DNAJC1: variants seen among roughly 807,000 people sequenced by gnomAD.
The protein encoded by DNAJC1 is dnaJ homolog subfamily C member 1.
DNAJC1 carries 58 observed loss-of-function variants against 76.6 expected under a neutral mutation model. The observed-to-expected ratio is 0.76, with a 90% CI of 0.61 to 0.94. The LOEUF (loss-of-function observed/expected upper bound fraction) is 0.94. Among genes scored for constraint, DNAJC1 ranks in the 40% least tolerant of loss-of-function variants. The probability of loss-of-function intolerance (pLI) is 0.00; values close to 1 mark genes in which losing one functional copy is unlikely to be tolerated. For synonymous variants in DNAJC1, 258 were observed against 267.9 expected, an observed-to-expected ratio of 0.96 and a Z score of 0.36; for missense variants, 689 against 677.3, an observed-to-expected ratio of 1.02 and a Z score of -0.19.
chr10:21,996,080 T>C (rs1173408095), intron 1 of DNAJC1, among the ~76,000 whole-genome samples: 1 of 152,212 alleles, frequency 6.6e-6, no homozygotes, highest in Non-Finnish European at 1.5e-5. Context: ...AAAATATGAC[T>C]GTGACTTCAT....
chr10:21,854,144 A>G (rs1815342583), intron 8 of DNAJC1, among the ~76,000 whole-genome samples: 1 of 152,172 alleles, frequency 6.6e-6, no homozygotes, highest in African/African-American at 2.4e-5. Flanking sequence ...CAGGTTGTTT[A>G]TAGTAGAAGA....
At chr10:21,952,283 T>A (rs2807988) in intron 1 of DNAJC1, among the ~76,000 whole-genome samples, 98,717 of 152,032 alleles carry the variant, frequency 0.65, 32,519 homozygotes, top group East Asian at 0.95. Flanking sequence ...ACAATTATTA[T>A]CTCATGTCAA....
intron 8 of DNAJC1, among the ~76,000 whole-genome samples, chr10:21,848,909 A>G (rs1835703767): frequency 6.6e-6 from 1 of 152,224 alleles, no homozygotes; most frequent in South Asian, 2.1e-4. Context: ...GGGAAATTTG[A>G]AAACACTCAG....
Position 21,850,499 on chromosome 10 carries a change from T to C in DNAJC1, c.978+31783A>G, listed in dbSNP as rs374952427. On this transcript the variant is annotated intron_variant, in intron 8 of 11. Coordinates refer to ENST00000376980, the MANE Select transcript of DNAJC1 (RefSeq NM_022365.4). ...TAAATGGAACGACATCCCATGTTCA[T>C]GTATTGGAATACTTAATATTTAAAT... Among the ~76,000 whole-genome samples, 26 of 151,840 alleles carry C rather than the reference T, an allele frequency of 1.7e-4. 1 individual carries two copies. In the East Asian group the frequency reaches 3.5e-3, roughly 20 times the overall value.
chr10:21,975,429 TG>T (rs999780328), intron 1 of DNAJC1, among the ~76,000 whole-genome samples: 2 of 151,868 alleles, frequency 1.3e-5, no homozygotes, highest in African/African-American at 4.8e-5. Context: ...AAACATGAAG[TG>T]GGCTGAAAAG....
chr10:21,826,526 ATCTT>A lies in DNAJC1; in HGVS notation c.979-20431_979-20428del, dbSNP rs1835258963. 4.6e-5 allele frequency among the ~76,000 whole-genome samples: 7 copies of A among 152,158 alleles called. No individual in the cohort carries two copies. The South Asian group carries it at 1.5e-3, about 32-fold the overall frequency. ...AATTTTGATGAAATCTAAGTTATCT[ATCTT>A]TCTTTTGTTGCCCAAGCTTTTGCTG... On this transcript the variant is annotated intron_variant, in intron 8 of 11. Transcript: ENST00000376980.
intron 8 of DNAJC1, among the ~76,000 whole-genome samples, chr10:21,875,397 C>A (rs1836170262): frequency 6.6e-6 from 1 of 152,180 alleles, no homozygotes; most frequent in Non-Finnish European, 1.5e-5. Context: ...CTCAAACAAT[C>A]CTCCCACCTC....
At chr10:21,814,224 A>C (rs1052300082) in intron 8 of DNAJC1, among the ~76,000 whole-genome samples, 1 of 152,172 alleles carries the variant, frequency 6.6e-6, no homozygotes, top group Non-Finnish European at 1.5e-5. Flanking sequence ...GAATTGTGGA[A>C]GTGGCTGCAT....
chr10:21,795,041 C>G, intron 9 of DNAJC1, among the ~76,000 whole-genome samples: 1 of 151,968 alleles, frequency 6.6e-6, no homozygotes, highest in East Asian at 1.9e-4. Flanking sequence ...GAATTTTGAG[C>G]ATTTCAAATT....
chr10:21,872,322 G>A (rs969884196), intron 8 of DNAJC1, among the ~76,000 whole-genome samples: 3 of 151,782 alleles, frequency 2.0e-5, no homozygotes, highest in South Asian at 2.1e-4. Context: ...TGCCTGCCTC[G>A]GCCTCCCAAA....
intron 8 of DNAJC1, among the ~76,000 whole-genome samples, chr10:21,850,846 T>C (rs961575428): frequency 3.3e-5 from 5 of 152,092 alleles, no homozygotes; most frequent in Non-Finnish European, 7.4e-5. Context: ...GAGAAAAGAA[T>C]AGAGAGGCCA....
intron 9 of DNAJC1, among the ~76,000 whole-genome samples, chr10:21,782,634 T>C (rs1165611187): frequency 6.6e-6 from 1 of 152,250 alleles, no homozygotes; most frequent in East Asian, 1.9e-4. Flanking sequence ...CTGATGAACA[T>C]CGATGCAAAA....
intron 1 of DNAJC1, among the ~76,000 whole-genome samples, chr10:21,995,760 A>G (rs1284150185): frequency 6.6e-6 from 1 of 152,196 alleles, no homozygotes; most frequent in Non-Finnish European, 1.5e-5. Context: ...TACATGTGAG[A>G]TTTCAGTTGC....
chr10:21,759,078 A>G, intron 11 of DNAJC1, 92 bp downstream of exon 11: 6 of 1,262,884 alleles, frequency 4.8e-6, no homozygotes. Flanking sequence ...GTCAGTAGAT[A>G]GGAATGAGGG....
chr10:21,779,762 T>C (rs966119292), intron 9 of DNAJC1, among the ~76,000 whole-genome samples: 7 of 152,164 alleles, frequency 4.6e-5, no homozygotes, highest in African/African-American at 1.7e-4. Context: ...TTTGATGAGT[T>C]GAGAGAAGAA....
chr10:21,840,540 T>C (rs965972151), intron 8 of DNAJC1, among the ~76,000 whole-genome samples: 11 of 152,096 alleles, frequency 7.2e-5, no homozygotes, highest in African/African-American at 2.7e-4. Context: ...GAATCCAACT[T>C]ACAAGGGATG....
At chr10:21,769,136 T>G (rs994021051) in intron 9 of DNAJC1, among the ~76,000 whole-genome samples, 1 of 152,218 alleles carries the variant, frequency 6.6e-6, no homozygotes, top group Non-Finnish European at 1.5e-5. Context: ...CCATTCATGT[T>G]CTTTCCACTT....
intron 9 of DNAJC1, among the ~76,000 whole-genome samples, chr10:21,790,431 T>C (rs1834670143): frequency 6.6e-6 from 1 of 151,602 alleles, no homozygotes; most frequent in African/African-American, 2.4e-5. Flanking sequence ...TCAAGTTACA[T>C]TTAAGAGGAT....
intron 9 of DNAJC1, among the ~76,000 whole-genome samples, chr10:21,792,428 G>A (rs556326657): frequency 2.4e-4 from 36 of 152,206 alleles, no homozygotes; most frequent in African/African-American, 8.2e-4. Context: ...TAGACCATTC[G>A]CTCTCATGAA....
Sources: gnomAD v4.1 joint callset for allele counts (sites outside exome capture counted in the v4.1 genomes callset) on GRCh38, gnomAD v4.1.1 for gene constraint, MANE v1.5 for transcripts, NCBI Gene and HGNC (gene_info 2026-07-23, HGNC 2026-07-21) for gene names.